The following ZNF638 variants were observed in gnomAD, a reference collection of about 807,000 sequenced individuals.
ZNF638 encodes CTCL tumor antigen se33-1.
ZNF638 carries 46 observed loss-of-function variants against 195.6 expected under a neutral mutation model. The observed-to-expected ratio is 0.24, with a 90% confidence interval of 0.19 to 0.30. The LOEUF (loss-of-function observed/expected upper bound fraction) is 0.30. ZNF638 is among the 10% of genes least tolerant of loss of function. The pLI, the probability that ZNF638 is intolerant of heterozygous loss-of-function variation, is 1.00. For missense variants in ZNF638, 2,440 were observed against 2,325.3 expected, an observed-to-expected ratio of 1.05 and a Z score of -1.01; for synonymous variants, 845 against 772.0, an observed-to-expected ratio of 1.09 and a Z score of -1.57.
At chr2:71,418,951 G>T (rs1175529253) in intron 21 of ZNF638, among the ~76,000 whole-genome samples, 1 of 152,178 alleles carries the variant, frequency 6.6e-6, no homozygotes, top group Non-Finnish European at 1.5e-5. Flanking sequence ...ATCACGAACA[G>T]TAATTACATT....
chr2:71,363,281 A>C, intron 4 of ZNF638, 90 bp downstream of exon 4: 4 of 1,002,578 alleles, frequency 4.0e-6, no homozygotes, highest in South Asian at 1.6e-5. Flanking sequence ...TTTGAGTTCT[A>C]CTTCTGCCAT....
chr2:71,402,718 G>A (rs1048998960), intron 16 of ZNF638, among the ~76,000 whole-genome samples: 26 of 152,154 alleles, frequency 1.7e-4, no homozygotes, highest in Admixed American at 2.6e-4. Context: ...TAAAATGTAT[G>A]TTAATAATCA....
At chr2:71,388,406 C>A (rs935006043) in intron 10 of ZNF638, 1 of 664,698 alleles carries the variant, frequency 1.5e-6, no homozygotes, top group Non-Finnish European at 2.8e-6. Flanking sequence ...TGATCATCCG[C>A]GTGCAGGACT....
chr2:71,418,729 T>C, intron 21 of ZNF638, 90 bp downstream of exon 21: 1 of 903,100 alleles, frequency 1.1e-6, no homozygotes, highest in Non-Finnish European at 1.6e-6. Flanking sequence ...TCACATGTAG[T>C]GAAAAGTTCT....
chr2:71,409,711 T>C (rs2080173901), intron 20 of ZNF638, among the ~76,000 whole-genome samples: 1 of 152,206 alleles, frequency 6.6e-6, no homozygotes, highest in Admixed American at 6.5e-5. Context: ...TGTGATCATC[T>C]GTGTAACTTA....
intron 10 of ZNF638, among the ~76,000 whole-genome samples, chr2:71,392,759 C>T (rs2079808509): frequency 6.6e-6 from 1 of 152,098 alleles, no homozygotes; most frequent in Non-Finnish European, 1.5e-5. Context: ...AATTATCCTG[C>T]AGTGCCCAGA....
At position 71,403,998 on chromosome 2, in the gene ZNF638, G is replaced by A. The variant is rs2080055486; in HGVS notation, c.2958G>A (p.Glu986=). 6.2e-7 allele frequency: 1 copy of A among 1,604,562 alleles called. No individual in the cohort carries two copies. The highest frequency in any genetic ancestry group is 1.3e-5 in the African/African-American group (1 of 74,322). ...MAPENMNIKD[E]EAIFITLVKE... is the part of the protein sequence containing the mutation. ...CTGAAAACATGAATATAAAAGATGA[G>A]GTAAATCAGACCACCATTTTTACTA... The change falls in exon 17 of 28, where the codon GAG becomes GAA. Residue 986 remains glutamate, a splice_region_variant and synonymous_variant. Transcript: ENST00000264447.
intron 18 of ZNF638, 49 bp downstream of exon 18, chr2:71,405,691 A>G (rs748323954): frequency 1.5e-5 from 19 of 1,295,700 alleles, no homozygotes; most frequent in Non-Finnish European, 1.9e-5. Context: ...ATTGATGGAA[A>G]CATTGTTTTA....
chr2:71,434,206 C>T (rs1213893500), intron 27 of ZNF638, among the ~76,000 whole-genome samples: 1 of 152,162 alleles, frequency 6.6e-6, no homozygotes, highest in East Asian at 1.9e-4. Context: ...TTCTGGCTCT[C>T]TCTGTTCTGT....
intron 10 of ZNF638, among the ~76,000 whole-genome samples, chr2:71,394,715 T>G (rs1395856421): frequency 6.6e-6 from 1 of 152,198 alleles, no homozygotes; most frequent in Non-Finnish European, 1.5e-5. Context: ...TTACAGCCTT[T>G]ATAGTCTCAG....
chr2:71,380,335 AATTTT>A, intron 9 of ZNF638, 55 bp downstream of exon 9: 1 of 1,357,532 alleles, frequency 7.4e-7, no homozygotes. Context: ...TGACTTAAGA[AATTTT>A]AATTTTTAAA....
intron 10 of ZNF638, among the ~76,000 whole-genome samples, chr2:71,385,766 C>G (rs1193444539): frequency 6.6e-6 from 1 of 152,122 alleles, no homozygotes; most frequent in African/African-American, 2.4e-5. Context: ...TATGGGGTCT[C>G]TCCTTTTTTC....
chr2:71,427,356 A>G lies in ZNF638; in HGVS notation c.5487A>G (p.Pro1829=). Residue 1829 remains proline (P), a synonymous_variant, in exon 24 of 28, where the codon CCA becomes CCG. Transcript: ENST00000264447. The stretch of plus-strand genomic sequence containing the variant: ...TTGAATCCTTGTCCCAAGTGGGTCC[A>G]GTAAATGAGAATGTTATGGAAGAAG... ...TKLESLSQVG[P]VNENVMEEDL... The G allele has an allele frequency of 1.9e-6, 3 of 1,595,264 alleles. No individual in the cohort carries two copies. Among genetic ancestry groups the G allele is most frequent in the Non-Finnish European group, 2.6e-6 (3 of 1,175,412 alleles).
rs1219835108 is a variant in ZNF638, at chr2:71,423,448, G to A, written c.3934G>A (p.Glu1312Lys). 1 of 1,612,934 alleles carries A rather than the reference G, an allele frequency of 6.2e-7. No individual in the cohort carries two copies. The highest frequency in any genetic ancestry group is 2.2e-5 in the East Asian group (1 of 44,868). The change falls in exon 22 of 28, where the codon GAG (glutamate) becomes AAG (lysine). Residue 1312 changes from glutamate to lysine, a missense_variant. Glu to Lys is a moderately conservative substitution (Grantham distance 56). Around this residue, in one of 5 missense-constraint regions of ZNF638, gnomAD observed 1,883 missense variants for 1,739.1 expected, o/e 1.08. Coordinates refer to ENST00000264447, the MANE Select transcript of ZNF638 (RefSeq NM_014497.5). Reference sequence around the variant, plus strand: ...AAAAGGTAACATGGATGAAAAGGAGGAGAAGGAATTTAATACTAAGGAAAC... The same window carrying A: ...AAAAGGTAACATGGATGAAAAGGAGAAGAAGGAATTTAATACTAAGGAAAC... The part of the protein sequence containing the change: ...EKKGNMDEKE[E>K]KEFNTKETRM...
chr2:71,423,570 G>T lies in ZNF638; in HGVS notation c.4056G>T (p.Lys1352Asn). ...KVEKMAAMKE[K>N]PAENTLFKAY... ...AAAAGATGGCAGCAATGAAAGAAAAGCCTGCAGAAAACACTTTATTCAAGG... is the reference window on the plus strand; with the variant it reads ...AAAAGATGGCAGCAATGAAAGAAAATCCTGCAGAAAACACTTTATTCAAGG... The change falls in exon 22 of 28, where the codon AAG (lysine) becomes AAT (asparagine). Residue 1352 changes from lysine to asparagine, a missense_variant. By Grantham distance (94) the Lys-to-Asn change is moderately conservative (BLOSUM62 0). Around this residue, in one of 5 missense-constraint regions of ZNF638, gnomAD observed 1,883 missense variants for 1,739.1 expected, o/e 1.08. Coordinates refer to ENST00000264447, the MANE Select transcript of ZNF638 (RefSeq NM_014497.5). 1.9e-6 allele frequency: 3 copies of T among 1,614,030 alleles called. No homozygotes were observed. Among genetic ancestry groups the T allele is most frequent in the Non-Finnish European group, 2.5e-6 (3 of 1,180,010 alleles).
intron 1 of ZNF638, among the ~76,000 whole-genome samples, chr2:71,339,150 G>GTTTTTTTTTTTTTTTT (rs35822775): frequency 7.7e-6 from 1 of 130,162 alleles, no homozygotes; most frequent in Non-Finnish European, 1.6e-5. Flanking sequence ...GTCGGTTTAG[G>GTTTTTTTTTTTTTTTT]TTTTTTTTTT....
intron 8 of ZNF638, chr2:71,376,246 T>C (rs986805092): frequency 6.6e-6 from 1 of 152,186 alleles, no homozygotes. Flanking sequence ...TTCAGCTAAA[T>C]GTTGTTTGGA....
At chr2:71,420,361 T>C (rs896251077) in intron 21 of ZNF638, among the ~76,000 whole-genome samples, 19 of 152,222 alleles carry the variant, frequency 1.2e-4, no homozygotes, top group African/African-American at 3.9e-4. Flanking sequence ...TCTGTTGATA[T>C]GTAAACAGAT....
intron 6 of ZNF638, among the ~76,000 whole-genome samples, chr2:71,366,592 A>G (rs764303723): frequency 1.1e-4 from 16 of 152,180 alleles, no homozygotes; most frequent in Admixed American, 1.0e-3. Flanking sequence ...TAGCTTCACA[A>G]GCAGATCACT....
Sources: gnomAD v4.1 joint callset for allele counts (sites outside exome capture counted in the v4.1 genomes callset) on GRCh38, gnomAD v4.1.1 for gene constraint, gnomAD v4.1.1 regional missense constraint, MANE v1.5 for transcripts, NCBI Gene and HGNC (gene_info 2026-07-23, HGNC 2026-07-21) for gene names.